Variants in XKR6 observed in about 807,000 individuals in gnomAD.
The protein encoded by XKR6 is XK related 6.
XKR6 carries 22 observed loss-of-function variants against 56.7 expected under a neutral mutation model. That is an observed-to-expected ratio of 0.39 (90% confidence interval 0.28 to 0.55). The LOEUF (loss-of-function observed/expected upper bound fraction) is 0.55. Among genes scored for constraint, XKR6 ranks in the 20% least tolerant of loss-of-function variants. The pLI is 0.66. For missense variants in XKR6, 852 were observed against 889.0 expected (o/e 0.96, Z 0.53); for synonymous variants, 524 against 387.8 (o/e 1.35, Z -4.13).
intron 1 of XKR6, among the ~76,000 whole-genome samples, chr8:11,061,501 G>A (rs1799833717): frequency 6.6e-6 from 1 of 152,054 alleles, no homozygotes; most frequent in African/African-American, 2.4e-5. Flanking sequence ...CAGTAAAAAT[G>A]GGAACAGACA....
chr8:10,972,314 C>G (rs1326713470), intron 1 of XKR6, among the ~76,000 whole-genome samples: 1 of 152,208 alleles, frequency 6.6e-6, no homozygotes, highest in Non-Finnish European at 1.5e-5. Flanking sequence ...TTGCCAATTA[C>G]TGACCATCGG....
At chr8:11,153,175 GAAGAA>G in intron 1 of XKR6, among the ~76,000 whole-genome samples, 1 of 152,162 alleles carries the variant, frequency 6.6e-6, no homozygotes, top group Non-Finnish European at 1.5e-5. Flanking sequence ...CACCAAAGCA[GAAGAA>G]AAGCTACGTG....
chr8:10,917,008 G>A (rs953332397), intron 2 of XKR6, among the ~76,000 whole-genome samples: 5 of 151,722 alleles, frequency 3.3e-5, no homozygotes, highest in East Asian at 1.9e-4. Context: ...TTTGTTTAAC[G>A]GAAAATCAGT....
intron 1 of XKR6, among the ~76,000 whole-genome samples, chr8:10,939,984 C>T (rs1236185370): frequency 6.6e-6 from 1 of 152,222 alleles, no homozygotes; most frequent in East Asian, 1.9e-4. Flanking sequence ...GGGTGTCAAT[C>T]CTGGCTGCAC....
At chr8:11,021,314 G>A (rs1189249937) in intron 1 of XKR6, among the ~76,000 whole-genome samples, 2 of 152,188 alleles carry the variant, frequency 1.3e-5, no homozygotes, top group Admixed American at 6.5e-5. Flanking sequence ...TGCACTTGGA[G>A]TAGAACAAGG....
chr8:11,054,976 G>C (rs1799644442), intron 1 of XKR6, among the ~76,000 whole-genome samples: 1 of 152,162 alleles, frequency 6.6e-6, no homozygotes. Flanking sequence ...CTGCAGGAGG[G>C]GAATGTCAAA....
intron 1 of XKR6, among the ~76,000 whole-genome samples, chr8:10,998,450 C>T (rs80211826): frequency 0.046 from 7,022 of 152,322 alleles, 241 homozygotes; most frequent in Non-Finnish European, 0.071. Flanking sequence ...CTCCTTCTCA[C>T]TCTCCCTTCT....
intron 2 of XKR6, among the ~76,000 whole-genome samples, chr8:10,916,335 C>T (rs1389569243): frequency 6.6e-6 from 1 of 152,236 alleles, no homozygotes; most frequent in Non-Finnish European, 1.5e-5. Flanking sequence ...CCACCCCTTT[C>T]TGGGTGGCAG....
intron 1 of XKR6, among the ~76,000 whole-genome samples, chr8:10,994,458 C>T (rs1356283190): frequency 6.6e-6 from 1 of 152,188 alleles, no homozygotes; most frequent in Non-Finnish European, 1.5e-5. Context: ...GGCAGACCAG[C>T]AGCAAGATTC....
chr8:10,937,776 G>A (rs377052105), intron 1 of XKR6, among the ~76,000 whole-genome samples: 4 of 151,126 alleles, frequency 2.6e-5, no homozygotes, highest in East Asian at 1.9e-4. Flanking sequence ...CTCCAGCTGC[G>A]TGCTGGGAGA....
intron 1 of XKR6, among the ~76,000 whole-genome samples, chr8:11,084,984 C>G (rs151011636): frequency 6.6e-6 from 1 of 152,258 alleles, no homozygotes; most frequent in East Asian, 1.9e-4. Flanking sequence ...GGTAAATGCC[C>G]CGCAACCACC....
chr8:11,100,369 GA>G (rs1290421810), intron 1 of XKR6, among the ~76,000 whole-genome samples: 2 of 152,114 alleles, frequency 1.3e-5, no homozygotes, highest in African/African-American at 4.8e-5. Flanking sequence ...TTTTAAAAAA[GA>G]ATAGAATTTA....
intron 1 of XKR6, among the ~76,000 whole-genome samples, chr8:11,191,078 G>T (rs531409533): frequency 6.6e-6 from 1 of 152,214 alleles, no homozygotes; most frequent in East Asian, 1.9e-4. Context: ...GGGGCCTTAG[G>T]AGGCACTTTA....
intron 1 of XKR6, among the ~76,000 whole-genome samples, chr8:11,005,543 A>C (rs1798348231): frequency 1.3e-5 from 2 of 152,178 alleles, no homozygotes; most frequent in South Asian, 4.1e-4. Context: ...TGTACACTTA[A>C]AAATTGTTAA....
intron 1 of XKR6, among the ~76,000 whole-genome samples, chr8:11,181,954 G>C (rs1030003759): frequency 6.6e-6 from 1 of 152,034 alleles, no homozygotes; most frequent in Non-Finnish European, 1.5e-5. Context: ...CCAGGCTCAA[G>C]CCACACTCCC....
chr8:11,172,262 C>T (rs184586404), intron 1 of XKR6, among the ~76,000 whole-genome samples: 3 of 151,874 alleles, frequency 2.0e-5, no homozygotes, highest in Admixed American at 2.0e-4. Context: ...CCCAGCTACT[C>T]GGGAGGCTGA....
chr8:11,173,364 T>TACACAC (rs1416786682), intron 1 of XKR6, among the ~76,000 whole-genome samples: 2 of 142,468 alleles, frequency 1.4e-5, no homozygotes, highest in African/African-American at 5.7e-5. Flanking sequence ...TATATATATA[T>TACACAC]ATACACACAC....
At chr8:11,152,220 GC>G (rs1210391790) in intron 1 of XKR6, among the ~76,000 whole-genome samples, 2 of 152,178 alleles carry the variant, frequency 1.3e-5, no homozygotes, top group Non-Finnish European at 2.9e-5. Context: ...TGAGATACAG[GC>G]TGTGGGGAAG....
intron 1 of XKR6, among the ~76,000 whole-genome samples, chr8:11,156,429 G>C (rs949991951): frequency 6.6e-6 from 1 of 152,152 alleles, no homozygotes; most frequent in African/African-American, 2.4e-5. Context: ...CTTCAGCTGG[G>C]CTGAATTCCT....
Sources: gnomAD v4.1 joint callset for allele counts (sites outside exome capture counted in the v4.1 genomes callset) on GRCh38, gnomAD v4.1.1 for gene constraint, MANE v1.5 for transcripts, NCBI Gene and HGNC (gene_info 2026-07-23, HGNC 2026-07-21) for gene names.